AK5: variants seen among roughly 807,000 people sequenced by gnomAD.
AK5 encodes the protein adenylate kinase isoenzyme 5.
A neutral mutation model predicts 69.5 loss-of-function variants in AK5; 27 were observed. That is an observed-to-expected ratio of 0.39 (90% CI 0.29 to 0.54). The LOEUF is 0.54. AK5 is among the 20% of genes least tolerant of loss of function. AK5 has a pLI of 0.71. For missense variants in AK5, 531 were observed against 700.4 expected, an observed-to-expected ratio of 0.76 and a Z score of 2.73; for synonymous variants, 260 against 244.4, an observed-to-expected ratio of 1.06 and a Z score of -0.60.
intron 1 of AK5, chr1:77,282,995 G>A: frequency 1.0e-6 from 1 of 985,566 alleles, no homozygotes; most frequent in Non-Finnish European, 1.2e-6. Context: ...GCCTAGGAAG[G>A]GTTGGGCCGC....
At chr1:77,529,164 A>G (rs906296852) in intron 12 of AK5, among the ~76,000 whole-genome samples, 3 of 152,134 alleles carry the variant, frequency 2.0e-5, no homozygotes, top group Non-Finnish European at 4.4e-5. Flanking sequence ...TGTTCTCCCC[A>G]AGCTTTGTTC....
chr1:77,397,643 C>G (rs1401642710), intron 6 of AK5, among the ~76,000 whole-genome samples: 1 of 152,152 alleles, frequency 6.6e-6, no homozygotes, highest in Non-Finnish European at 1.5e-5. Flanking sequence ...ATCTGTAATT[C>G]TAGTACTTTG....
intron 10 of AK5, among the ~76,000 whole-genome samples, chr1:77,491,449 G>A (rs1171795546): frequency 6.6e-6 from 1 of 151,720 alleles, no homozygotes; most frequent in African/African-American, 2.4e-5. Flanking sequence ...TGGGATTACA[G>A]GCGCCTGCCA....
intron 10 of AK5, among the ~76,000 whole-genome samples, chr1:77,516,658 C>T: frequency 6.6e-6 from 1 of 151,944 alleles, no homozygotes; most frequent in South Asian, 2.1e-4. Flanking sequence ...TCTGTGTGGG[C>T]ATAGGAGGCC....
Position 77,432,230 on chromosome 1 carries a change from C to T in AK5, c.1059+14515C>T, listed in dbSNP as rs186096703. Reference sequence around the variant, plus strand: ...CATCCTGTAGTTAGATTTTCATTGTCCCTTGGTGCCAGGATGTGTCCCAGA... The same window carrying T: ...CATCCTGTAGTTAGATTTTCATTGTTCCTTGGTGCCAGGATGTGTCCCAGA... On this transcript the variant is annotated intron_variant, in intron 8 of 13. Transcript: ENST00000354567. Among the ~76,000 whole-genome samples, 23 of 152,222 alleles carry T rather than the reference C, an allele frequency of 1.5e-4. No homozygotes were observed. In the East Asian group the frequency reaches 4.2e-3, roughly 28 times the overall value.
At chr1:77,531,918 C>G (rs1658629911) in intron 12 of AK5, among the ~76,000 whole-genome samples, 1 of 151,908 alleles carries the variant, frequency 6.6e-6, no homozygotes, top group Admixed American at 6.5e-5. Flanking sequence ...GGGGAGGCAG[C>G]TAAGGCCCGG....
chr1:77,543,886 CAG>C (rs757198546), intron 13 of AK5, among the ~76,000 whole-genome samples: 16 of 152,082 alleles, frequency 1.1e-4, no homozygotes, highest in Non-Finnish European at 2.2e-4. Flanking sequence ...ACTTTGGATA[CAG>C]AGAGTAGACT....
chr1:77,461,245 G>C (rs1354046775), intron 8 of AK5, among the ~76,000 whole-genome samples: 4 of 150,370 alleles, frequency 2.7e-5, no homozygotes, highest in Non-Finnish European at 5.9e-5. Flanking sequence ...GTGTTAGCCA[G>C]GATGATCTCA....
chr1:77,475,457 AAT>A (rs1557620245), intron 8 of AK5, among the ~76,000 whole-genome samples: 9 of 5,186 alleles, frequency 1.7e-3, no homozygotes, highest in Non-Finnish European at 5.1e-3. Context: ...TATATATACA[AAT>A]ATATATTATA....
rs547124341 is a variant in AK5, at chr1:77,536,897, C to G, written c.1620+859C>G. On this transcript the variant is annotated intron_variant, in intron 13 of 13. Transcript: ENST00000354567. Reference sequence around the variant, plus strand: ...AGATAGTGTGAGGAAATGAGTGTATCAACCTAGTGATCATGAGCTCTCTGC... The same window carrying G: ...AGATAGTGTGAGGAAATGAGTGTATGAACCTAGTGATCATGAGCTCTCTGC... Among the ~76,000 whole-genome samples the G allele has an allele frequency of 2.6e-5, 4 of 152,250 alleles. No homozygotes were observed. In the South Asian group the frequency reaches 8.3e-4, roughly 32 times the overall value.
intron 9 of AK5, among the ~76,000 whole-genome samples, chr1:77,483,936 G>A (rs556038901): frequency 3.2e-4 from 49 of 152,188 alleles, no homozygotes; most frequent in African/African-American, 8.4e-4. Context: ...AGGCCAAGGC[G>A]GCCGGATCAC....
chr1:77,543,360 A>T (rs1260082888), intron 13 of AK5, among the ~76,000 whole-genome samples: 1 of 152,154 alleles, frequency 6.6e-6, no homozygotes, highest in Non-Finnish European at 1.5e-5. Context: ...CTTAATTTTG[A>T]TTCTTCTTTC....
At chr1:77,448,656 C>A (rs1652908053) in intron 8 of AK5, among the ~76,000 whole-genome samples, 1 of 152,346 alleles carries the variant, frequency 6.6e-6, no homozygotes, top group South Asian at 2.1e-4. Context: ...CATGGCAGGA[C>A]TGAAAGAGCT....
intron 13 of AK5, among the ~76,000 whole-genome samples, chr1:77,536,600 C>T (rs998237362): frequency 1.3e-5 from 2 of 152,102 alleles, no homozygotes; most frequent in Non-Finnish European, 2.9e-5. Context: ...TTGCTGAAAA[C>T]AACTCCTTTT....
At chr1:77,389,181 C>G (rs1340141587) in intron 6 of AK5, among the ~76,000 whole-genome samples, 1 of 152,166 alleles carries the variant, frequency 6.6e-6, no homozygotes, top group Non-Finnish European at 1.5e-5. Flanking sequence ...CTGATGTCTC[C>G]AGAGAGAGAC....
chr1:77,284,444 C>T (rs760450640), intron 1 of AK5, among the ~76,000 whole-genome samples: 14 of 152,130 alleles, frequency 9.2e-5, no homozygotes, highest in African/African-American at 2.2e-4. Context: ...ATTGTATTGA[C>T]GTATTGTCAG....
At chr1:77,285,044 T>C (rs746324067) in intron 1 of AK5, among the ~76,000 whole-genome samples, 3 of 152,172 alleles carry the variant, frequency 2.0e-5, no homozygotes, top group South Asian at 2.1e-4. Context: ...GAAGAACATA[T>C]GGGTTTTGGA....
chr1:77,285,882 A>T (rs888308058), intron 1 of AK5, among the ~76,000 whole-genome samples: 2 of 152,012 alleles, frequency 1.3e-5, no homozygotes, highest in Admixed American at 1.3e-4. Context: ...ACAGTTAAAT[A>T]TGCACCTACC....
chr1:77,355,866 AAT>A (rs1250359102), intron 6 of AK5, among the ~76,000 whole-genome samples: 1 of 77,924 alleles, frequency 1.3e-5, no homozygotes, highest in Non-Finnish European at 2.5e-5. Flanking sequence ...ACCCTCATTA[AAT>A]ACACACACAC....
Sources: allele counts gnomAD v4.1 joint callset (sites outside exome capture counted in the v4.1 genomes callset), GRCh38; gene constraint gnomAD v4.1.1; transcripts MANE v1.5; gene names NCBI Gene and HGNC (gene_info 2026-07-23, HGNC 2026-07-21).